Variants in SNX30 observed in about 807,000 individuals in gnomAD.
SNX30 encodes sorting nexin-30.
In SNX30, 24 loss-of-function variants were observed where a neutral mutation model predicts 46.4. The ratio of observed to expected loss-of-function variants is 0.52; its 90% CI spans 0.37 to 0.73. The LOEUF is 0.73. SNX30 is among the 30% of genes least tolerant of loss of function. The pLI is 0.00. For synonymous variants in SNX30, 189 were observed against 211.5 expected, an observed-to-expected ratio of 0.89 and a Z score of 0.92; for missense variants, 533 against 555.7, an observed-to-expected ratio of 0.96 and a Z score of 0.41.
downstream of SNX30, chr9:112,885,120 C>G (rs935425929): frequency 2.0e-5 from 3 of 152,176 alleles, no homozygotes; most frequent in Non-Finnish European, 4.4e-5. Flanking sequence ...TAATGTGTCT[C>G]AGCTATTTGG....
At chr9:112,876,877 A>G (rs1166554560), downstream of SNX30, among the ~76,000 whole-genome samples, 1 of 151,012 alleles carries the variant, frequency 6.6e-6, no homozygotes, top group African/African-American at 2.4e-5. Flanking sequence ...TGGAGGTTGC[A>G]GTGAGCTGCG....
At chr9:112,810,005 G>A (rs1210545842) in intron 2 of SNX30, among the ~76,000 whole-genome samples, 1 of 152,214 alleles carries the variant, frequency 6.6e-6, no homozygotes, top group Non-Finnish European at 1.5e-5. Flanking sequence ...GGCGGAGGAA[G>A]CTAGAATTGC....
intron 1 of SNX30, among the ~76,000 whole-genome samples, chr9:112,780,831 A>G (rs914879366): frequency 3.2e-4 from 48 of 152,346 alleles, no homozygotes; most frequent in Admixed American, 2.8e-3. Context: ...CACTTGGGTC[A>G]TTGAAAACAA....
intron 5 of SNX30, among the ~76,000 whole-genome samples, chr9:112,838,000 C>T (rs534727370): frequency 6.6e-6 from 1 of 150,570 alleles, no homozygotes; most frequent in African/African-American, 2.4e-5. Context: ...AAGCAATTCT[C>T]CTGCCTCAGC....
intron 7 of SNX30, among the ~76,000 whole-genome samples, chr9:112,859,718 G>T (rs546255645): frequency 6.7e-6 from 1 of 148,366 alleles, no homozygotes; most frequent in African/African-American, 2.5e-5. Context: ...GACCAGCCAG[G>T]CTGGTCTCGA....
chr9:112,772,056 T>C (rs787286), intron 1 of SNX30, among the ~76,000 whole-genome samples: 143,334 of 152,272 alleles, frequency 0.94, 67,565 homozygotes, highest in East Asian at 1. Context: ...GCCCTTGCCC[T>C]CATCCTTCCT....
rs370564061 is a variant in SNX30, at chr9:112,838,582, G to C, written c.899G>C (p.Gly300Ala). 2.8e-5 allele frequency: 46 copies of C among 1,614,108 alleles called. No individual in the cohort carries two copies. The African/African-American group carries it at 5.9e-4, about 21-fold the overall frequency. Reference sequence around the variant, plus strand: ...GGTGAGCTGGCTGAACCCCTGGAGGGTGTGTCAGCTTGCATTGGGAACTGC... The same window carrying C: ...GGTGAGCTGGCTGAACCCCTGGAGGCTGTGTCAGCTTGCATTGGGAACTGC... ...LEGELAEPLE[G>A]VSACIGNCST... is the part of the protein sequence containing the mutation. Residue 300 changes from glycine (G) to alanine (A), a missense_variant, in exon 6 of 9, where the codon GGT becomes GCT. Physicochemically the swap from Gly to Ala is moderately conservative, Grantham distance 60 (BLOSUM62 0). Coordinates refer to ENST00000374232, the MANE Select transcript of SNX30 (RefSeq NM_001012994.2).
chr9:112,876,495 GAGA>G (rs1841518871), downstream of SNX30, among the ~76,000 whole-genome samples: 1 of 152,166 alleles, frequency 6.6e-6, no homozygotes, highest in Non-Finnish European at 1.5e-5. Flanking sequence ...GGTGGGGTGT[GAGA>G]AGGAGAACTT....
intron 8 of SNX30, among the ~76,000 whole-genome samples, chr9:112,866,188 A>T (rs956491005): frequency 2.6e-5 from 4 of 152,132 alleles, no homozygotes; most frequent in African/African-American, 9.7e-5. Context: ...GTATGTGTTC[A>T]TCAAAGGAGC....
chr9:112,862,317 A>T (rs368812574), intron 7 of SNX30, among the ~76,000 whole-genome samples: 5 of 152,132 alleles, frequency 3.3e-5, no homozygotes, highest in African/African-American at 9.7e-5. Context: ...TCACAGCAGA[A>T]GTTTCGTTAA....
intron 3 of SNX30, among the ~76,000 whole-genome samples, chr9:112,824,523 C>T (rs921344062): frequency 2.0e-5 from 3 of 147,916 alleles, no homozygotes; most frequent in Non-Finnish European, 1.5e-5. Context: ...CACCCCTACA[C>T]CCAGGTGTTT....
At chr9:112,789,727 C>T (rs1468527670) in intron 1 of SNX30, among the ~76,000 whole-genome samples, 1 of 152,144 alleles carries the variant, frequency 6.6e-6, no homozygotes, top group African/African-American at 2.4e-5. Flanking sequence ...TTAACAGACA[C>T]TGGTAAGTTT....
chr9:112,827,660 C>T lies in SNX30; in HGVS notation c.460-3065C>T, dbSNP rs561156878. Among the ~76,000 whole-genome samples, 125 of 152,160 alleles carry T rather than the reference C, an allele frequency of 8.2e-4. 3 individuals are homozygous for T. Among genetic ancestry groups the T allele is most frequent in the African/African-American group, 2.9e-3 (121 of 41,512 alleles). Reference sequence around the variant, plus strand: ...TGGCTAAGTCCACTAATCCTTGTTGCTATGTCTTATTTCTGGTTTGTTTTT... The same window carrying T: ...TGGCTAAGTCCACTAATCCTTGTTGTTATGTCTTATTTCTGGTTTGTTTTT... On this transcript the variant is annotated intron_variant, in intron 3 of 8. Coordinates refer to ENST00000374232, the MANE Select transcript of SNX30 (RefSeq NM_001012994.2).
intron 3 of SNX30, 111 bp from the exon 4 acceptor site, chr9:112,830,614 T>G (rs578205291): frequency 2.0e-6 from 2 of 976,242 alleles, no homozygotes; most frequent in African/African-American, 1.6e-5. Context: ...TCTGCCTGAT[T>G]AAGAAATACT....
exon 5 of SNX30, chr9:112,880,083 C>A: frequency 3.0e-6 from 1 of 332,224 alleles, no homozygotes; most frequent in Non-Finnish European, 5.6e-6. Flanking sequence ...GTAATCCCAA[C>A]AGTTTGGGAG....
At chr9:112,853,514 T>C (rs917653624) in intron 7 of SNX30, among the ~76,000 whole-genome samples, 5 of 152,258 alleles carry the variant, frequency 3.3e-5, no homozygotes, top group Admixed American at 1.3e-4. Context: ...TTTTAAAGTT[T>C]CCTTTCAACA....
intron 7 of SNX30, among the ~76,000 whole-genome samples, chr9:112,861,129 A>G (rs1841221575): frequency 6.6e-6 from 1 of 152,248 alleles, no homozygotes; most frequent in Non-Finnish European, 1.5e-5. Flanking sequence ...CGTGCTGTGT[A>G]CTGAAGAGGG....
At chr9:112,775,043 AC>A (rs1839717523) in intron 1 of SNX30, among the ~76,000 whole-genome samples, 1 of 149,976 alleles carries the variant, frequency 6.7e-6, no homozygotes, top group Non-Finnish European at 1.5e-5. Context: ...ATGGGGTTTC[AC>A]TGTGTTGGTC....
intron 1 of SNX30, among the ~76,000 whole-genome samples, chr9:112,762,274 G>A (rs1205508507): frequency 6.6e-6 from 1 of 152,074 alleles, no homozygotes; most frequent in Non-Finnish European, 1.5e-5. Context: ...AGGTGTTTGG[G>A]GGTTCCTGCT....
Sources: gnomAD v4.1 joint callset for allele counts (sites outside exome capture counted in the v4.1 genomes callset) on GRCh38, gnomAD v4.1.1 for gene constraint, MANE v1.5 for transcripts, NCBI Gene and HGNC (gene_info 2026-07-23, HGNC 2026-07-21) for gene names.